The following CELSR2 variants were observed in gnomAD, a reference collection of about 807,000 sequenced individuals.
CELSR2 encodes EGF-like protein 2.
In CELSR2, 81 loss-of-function variants were observed where a neutral mutation model predicts 251.6. The ratio of observed to expected loss-of-function variants is 0.32; its 90% CI spans 0.27 to 0.39. CELSR2 has a LOEUF of 0.39. Ranked by LOEUF, CELSR2 falls within the 10% of genes least tolerant of loss-of-function variation. The pLI is 1.00. For missense variants in CELSR2, 3,365 were observed against 3,947.7 expected (o/e 0.85, Z 3.96); for synonymous variants, 1,721 against 1,670.5 (o/e 1.03, Z -0.74).
At position 109,264,206 on chromosome 1, in the gene CELSR2, G is replaced by A. The variant is rs772050433; in HGVS notation, c.5130G>A (p.Gly1710=). The A allele has an allele frequency of 6.2e-7, 1 of 1,613,468 alleles. No homozygotes were observed. Among genetic ancestry groups the A allele is most frequent in the Admixed American group, 1.7e-5 (1 of 60,028 alleles). ...HHAQLALGAS[G]GPGHAILSFD... is the part of the protein sequence containing the mutation. The stretch of plus-strand genomic sequence containing the variant: ...CACAGCTGGCACTGGGAGCCAGCGG[G>A]GGGCCCGGCCATGCCATTCTGTCCT... The change falls in exon 10 of 34, where the codon GGG becomes GGA. Residue 1710 remains glycine, a synonymous_variant. Transcript: ENST00000271332.
chr1:109,251,420 T>A lies in CELSR2; in HGVS notation c.1341T>A (p.Phe447Leu), dbSNP rs772978368. The A allele has an allele frequency of 1.2e-6, 2 of 1,613,912 alleles. No homozygotes were observed. Among genetic ancestry groups the A allele is most frequent in the East Asian group, 4.5e-5 (2 of 44,878 alleles). Residue 447 changes from phenylalanine (F) to leucine (L), a missense_variant, in exon 1 of 34, where the codon TTT (phenylalanine) becomes TTA (leucine). By Grantham distance (22) the Phe-to-Leu change is conservative. Around this residue, in one of 5 missense-constraint regions of CELSR2, gnomAD observed 704 missense variants for 784.1 expected, o/e 0.90. Transcript: ENST00000271332. This position sits in a 1 kb window ranked among gnomAD's most constrained non-coding sequence, Gnocchi z 4.9. The part of the protein sequence containing the change: ...SIMSGNARGQ[F>L]YLDAQTGALD... ...TGAGTGGCAATGCTCGGGGACAGTT[T>A]TATCTGGATGCCCAGACTGGAGCTC... is the stretch of plus-strand genomic sequence containing the variant.
In CELSR2 at chr1:109,253,401, C is replaced by A. The variant is rs373979948; in HGVS notation, c.3310+12C>A. On this transcript the variant is annotated intron_variant, in intron 1 of 33. Coordinates refer to ENST00000271332, the MANE Select transcript of CELSR2 (RefSeq NM_001408.3). Reference sequence around the variant, plus strand: ...CGTGCTGGTGTCAGGTAAGGAAGGGCCCAGGTGGCGCTGGGGTGGGGGTAG... The same window carrying A: ...CGTGCTGGTGTCAGGTAAGGAAGGGACCAGGTGGCGCTGGGGTGGGGGTAG... 3.8e-5 allele frequency: 61 copies of A among 1,607,616 alleles called. No homozygotes were observed. The Middle Eastern group carries it at 6.6e-4, about 18-fold the overall frequency.
intron 2 of CELSR2, among the ~76,000 whole-genome samples, chr1:109,260,376 C>G (rs868134036): frequency 3.3e-5 from 5 of 152,152 alleles, no homozygotes; most frequent in South Asian, 2.1e-4. Context: ...GTTTCCCACT[C>G]TCAGCATGTC....
Position 109,261,777 on chromosome 1 carries a change from G to A in CELSR2, c.4298-31G>A, listed in dbSNP as rs1228608067. 9.5e-6 allele frequency: 15 copies of A among 1,573,952 alleles called. No individual in the cohort carries two copies. Among genetic ancestry groups the A allele is most frequent in the Non-Finnish European group, 1.3e-5 (15 of 1,156,368 alleles). On this transcript the variant is annotated intron_variant, in intron 4 of 33. Coordinates refer to ENST00000271332, the MANE Select transcript of CELSR2 (RefSeq NM_001408.3). The surrounding 1 kb of genome is among the most constrained non-coding windows in gnomAD (Gnocchi z 4.8). ...ACCCTGCCATTCCTAGCCCTCGTCA[G>A]GCATTCCAGCTCACCTGGTCCTTTC...
intron 8 of CELSR2, 67 bp downstream of exon 8, chr1:109,263,334 G>C: frequency 6.5e-7 from 1 of 1,527,224 alleles, no homozygotes. Flanking sequence ...TGGCAGGGTT[G>C]GGGCAGGCAC....
At position 109,253,115 on chromosome 1, in the gene CELSR2, C is replaced by T; in HGVS notation, c.3036C>T (p.Arg1012=). ...PLVSRATVHV[R]LLDRNDNPPV... Reference sequence around the variant, plus strand: ...TGAGCCGGGCTACAGTCCACGTCCGCCTCCTTGACCGCAATGACAACCCAC... The same window carrying T: ...TGAGCCGGGCTACAGTCCACGTCCGTCTCCTTGACCGCAATGACAACCCAC... Residue 1012 remains arginine (R), a synonymous_variant, in exon 1 of 34, where the codon CGC becomes CGT. Coordinates refer to ENST00000271332, the MANE Select transcript of CELSR2 (RefSeq NM_001408.3). The T allele has an allele frequency of 8.1e-6, 13 of 1,613,834 alleles. No homozygotes were observed. The highest frequency in any genetic ancestry group is 1.1e-5 in the Non-Finnish European group (13 of 1,180,038).
chr1:109,262,861 A>G lies in CELSR2; in HGVS notation c.4600A>G (p.Ser1534Gly), dbSNP rs776775187. ...LLGGVPDLPE[S>G]FPVRMRQFVG... is the part of the protein sequence containing the mutation. ...AGGCGGGGTGCCTGACCTGCCCGAG[A>G]GCTTCCCAGTCCGAATGCGGCAGTT... Residue 1534 changes from serine (S) to glycine (G), a missense_variant, in exon 7 of 34, where the codon AGC (serine) becomes GGC (glycine). By Grantham distance (56) the Ser-to-Gly change is moderately conservative (BLOSUM62 0). Transcript: ENST00000271332. 6.2e-7 allele frequency: 1 copy of G among 1,613,610 alleles called. No homozygotes were observed. Among genetic ancestry groups the G allele is most frequent in the Non-Finnish European group, 8.5e-7 (1 of 1,180,000 alleles).
At position 109,250,775 on chromosome 1, in the gene CELSR2, C is replaced by T. The variant is rs1655664080; in HGVS notation, c.696C>T (p.Phe232=). 6.2e-7 allele frequency: 1 copy of T among 1,614,126 alleles called. No homozygotes were observed. The highest frequency in any genetic ancestry group is 8.5e-7 in the Non-Finnish European group (1 of 1,180,038). The change falls in exon 1 of 34, where the codon TTC becomes TTT. Residue 232 remains phenylalanine (F), a synonymous_variant. Coordinates refer to ENST00000271332, the MANE Select transcript of CELSR2 (RefSeq NM_001408.3). The surrounding 1 kb of genome is among the most constrained non-coding windows in gnomAD (Gnocchi z 4.4). ...ALFDSRSNQF[F]SLDPVTGAVT... The stretch of plus-strand genomic sequence containing the variant: ...TTGATAGCCGCTCCAACCAGTTCTT[C>T]TCCCTGGACCCAGTCACTGGTGCAG...
intron 18 of CELSR2, 27 bp downstream of exon 18, chr1:109,268,791 G>A: frequency 6.3e-7 from 1 of 1,586,204 alleles, no homozygotes; most frequent in South Asian, 1.1e-5. Context: ...GGTTGGGGAG[G>A]GGTTTGTGGA....
Position 109,252,778 on chromosome 1 carries a change from C to T in CELSR2, c.2699C>T (p.Pro900Leu), listed in dbSNP as rs1217961939. The stretch of plus-strand genomic sequence containing the variant: ...TATGCAGTGGACAAGGGGATGCCCC[C>T]AGCCCGCACACCTATGGAAGTGACA... ...RAYAVDKGMP[P>L]ARTPMEVTVT... Residue 900 changes from proline (P) to leucine (L), a missense_variant, in exon 1 of 34, where the codon CCA (proline) becomes CTA (leucine). By Grantham distance (98) the Pro-to-Leu change is moderately conservative (BLOSUM62 -3). Around this residue, in one of 5 missense-constraint regions of CELSR2, gnomAD observed 505 missense variants for 660.0 expected, o/e 0.77. Coordinates refer to ENST00000271332, the MANE Select transcript of CELSR2 (RefSeq NM_001408.3). This position sits in a 1 kb window ranked among gnomAD's most constrained non-coding sequence, Gnocchi z 4.8. The T allele has an allele frequency of 1.2e-6, 2 of 1,614,036 alleles. No homozygotes were observed. Among genetic ancestry groups the T allele is most frequent in the South Asian group, 1.1e-5 (1 of 91,090 alleles).
rs549266043 is a variant in CELSR2, at chr1:109,250,911, T to G, written c.832T>G (p.Leu278Val). The change falls in exon 1 of 34, where the codon TTG becomes GTG. Residue 278 changes from leucine to valine, a missense_variant. Transcript: ENST00000271332. The surrounding 1 kb of genome is among the most constrained non-coding windows in gnomAD (Gnocchi z 4.4). ...RRSALATLTI[L>V]VTDTNDHDPV... Reference sequence around the variant, plus strand: ...AAGTGCCCTGGCTACACTCACCATCTTGGTTACTGACACCAATGACCATGA... The same window carrying G: ...AAGTGCCCTGGCTACACTCACCATCGTGGTTACTGACACCAATGACCATGA... 3 of 1,613,862 alleles carry G rather than the reference T, an allele frequency of 1.9e-6. No homozygotes were observed. The African/African-American group carries it at 4.0e-5, about 22-fold the overall frequency.
At position 109,266,090 on chromosome 1, in the gene CELSR2, T is replaced by C; in HGVS notation, c.5912-15T>C. 3 of 1,613,410 alleles carry C rather than the reference T, an allele frequency of 1.9e-6. No individual in the cohort carries two copies. On this transcript the variant is annotated splice_polypyrimidine_tract_variant and intron_variant, in intron 14 of 33. Transcript: ENST00000271332. Reference sequence around the variant, plus strand: ...GGAGAGCTGCTCCTGGGTGACCATGTGCTCTTCCCCGCAGTGAATTATGAC... The same window carrying C: ...GGAGAGCTGCTCCTGGGTGACCATGCGCTCTTCCCCGCAGTGAATTATGAC...
rs762240578 is a variant in CELSR2 at position 109,272,243 on chromosome 1, C to T, written c.7927-35C>T. On this transcript the variant is annotated intron_variant, in intron 28 of 33. Coordinates refer to ENST00000271332, the MANE Select transcript of CELSR2 (RefSeq NM_001408.3). The stretch of plus-strand genomic sequence containing the variant: ...TCCCAGCCTGGGGCCAGCCATCCCA[C>T]TCCCCACTTACTGACCTCTCTGTTC... 9 of 1,533,696 alleles carry T rather than the reference C, an allele frequency of 5.9e-6. No individual in the cohort carries two copies. The Admixed American group carries it at 6.2e-5, about 11-fold the overall frequency.
In CELSR2 at chr1:109,251,496, C is replaced by T. The variant is rs372637628; in HGVS notation, c.1417C>T (p.Arg473Trp). 1.6e-5 allele frequency: 26 copies of T among 1,613,650 alleles called. No homozygotes were observed. In the East Asian group the frequency reaches 3.1e-4, roughly 19 times the overall value. ...DYETTKEYTLRVRAQDGGRPP... is the reference protein window; with the variant it reads ...DYETTKEYTLWVRAQDGGRPP... ...TGAGACGACCAAGGAGTACACCCTA[C>T]GGGTGCGAGCACAGGATGGTGGCCG... The change falls in exon 1 of 34, where the codon CGG becomes TGG. Residue 473 changes from arginine to tryptophan, a missense_variant. Around this residue, in one of 5 missense-constraint regions of CELSR2, gnomAD observed 704 missense variants for 784.1 expected, o/e 0.90. Transcript: ENST00000271332. This position sits in a 1 kb window ranked among gnomAD's most constrained non-coding sequence, Gnocchi z 4.9.
At position 109,266,088 on chromosome 1, in the gene CELSR2, T is replaced by G; in HGVS notation, c.5912-17T>G. 2 of 1,613,286 alleles carry G rather than the reference T, an allele frequency of 1.2e-6. No individual in the cohort carries two copies. The highest frequency in any genetic ancestry group is 4.5e-5 in the East Asian group (2 of 44,868). On this transcript the variant is annotated splice_polypyrimidine_tract_variant and intron_variant, in intron 14 of 33. Coordinates refer to ENST00000271332, the MANE Select transcript of CELSR2 (RefSeq NM_001408.3). ...AGGGAGAGCTGCTCCTGGGTGACCA[T>G]GTGCTCTTCCCCGCAGTGAATTATG...
Position 109,269,841 on chromosome 1 carries a change from T to G in CELSR2, c.7107+21T>G. 6.2e-7 allele frequency: 1 copy of G among 1,612,864 alleles called. No homozygotes were observed. The highest frequency in any genetic ancestry group is 8.5e-7 in the Non-Finnish European group (1 of 1,179,822). On this transcript the variant is annotated intron_variant, in intron 22 of 33. Coordinates refer to ENST00000271332, the MANE Select transcript of CELSR2 (RefSeq NM_001408.3). The surrounding 1 kb of genome is among the most constrained non-coding windows in gnomAD (Gnocchi z 6.4). ...GGGAGGTCGGGCCCACAGGGGCAGC[T>G]GCAGAGCCGTGGGTGGGCACCCAGG...
chr1:109,262,699 T>C, intron 6 of CELSR2, 107 bp from the exon 7 acceptor site: 2 of 1,537,520 alleles, frequency 1.3e-6, no homozygotes, highest in African/African-American at 1.4e-5. Flanking sequence ...GCAGGGCCTC[T>C]TGGACACCTG....
At chr1:109,264,661 A>T (rs6657811) in intron 11 of CELSR2, 33 bp downstream of exon 11, 190,511 of 1,600,146 alleles carry the variant, frequency 0.12, 12,076 homozygotes, top group African/African-American at 0.14. Context: ...CGGGCAGGTT[A>T]TCAGGTGCCT....
chr1:109,268,101 G>T (rs1346272504), intron 17 of CELSR2, 41 bp downstream of exon 17: 5 of 1,560,742 alleles, frequency 3.2e-6, no homozygotes, highest in Non-Finnish European at 4.3e-6. Flanking sequence ...TTAGATAGGG[G>T]TCATGGTGAG....
Sources: gnomAD v4.1 joint callset for allele counts (sites outside exome capture counted in the v4.1 genomes callset) on GRCh38, gnomAD v4.1.1 for gene constraint, gnomAD v4.1.1 regional missense constraint, Gnocchi (gnomAD v3.1) non-coding constraint, MANE v1.5 for transcripts, NCBI Gene and HGNC (gene_info 2026-07-23, HGNC 2026-07-21) for gene names.